GNA14: variants seen among roughly 807,000 people sequenced by gnomAD.
The protein encoded by GNA14 is G protein subunit alpha 14, also known as guanine nucleotide-binding protein subunit alpha-14.
In GNA14, 50 loss-of-function variants were observed where a neutral mutation model predicts 42.0. That is an observed-to-expected ratio of 1.19 (90% confidence interval 0.95 to 1.51). The LOEUF (loss-of-function observed/expected upper bound fraction) is 1.51, where lower values mean the gene tolerates loss of function less well. GNA14 is among the 40% of genes most tolerant of loss of function. GNA14 has a pLI of 0.00. For synonymous variants in GNA14, 173 were observed against 163.1 expected, an observed-to-expected ratio of 1.06 and a Z score of -0.46; for missense variants, 473 against 446.2, an observed-to-expected ratio of 1.06 and a Z score of -0.54.
intron 2 of GNA14, among the ~76,000 whole-genome samples, chr9:77,451,394 T>C (rs1197669467): frequency 6.6e-6 from 1 of 152,220 alleles, no homozygotes; most frequent in East Asian, 1.9e-4. Context: ...CTGTAGTCAC[T>C]CTTTTTAGAG....
intron 1 of GNA14, among the ~76,000 whole-genome samples, chr9:77,642,402 T>C (rs192595182): frequency 7.2e-5 from 11 of 152,294 alleles, no homozygotes; most frequent in African/African-American, 1.9e-4. Flanking sequence ...AAGCATATTA[T>C]GGCAAAAAAG....
At chr9:77,598,316 TTGAA>T (rs1334256145) in intron 1 of GNA14, among the ~76,000 whole-genome samples, 3 of 152,178 alleles carry the variant, frequency 2.0e-5, no homozygotes, top group African/African-American at 7.2e-5. Context: ...TATTTGTCAA[TTGAA>T]TGAACAAATA....
At chr9:77,442,431 T>C (rs1040105076) in intron 2 of GNA14, among the ~76,000 whole-genome samples, 9 of 152,194 alleles carry the variant, frequency 5.9e-5, no homozygotes, top group South Asian at 2.1e-4. Flanking sequence ...AGCCACCATA[T>C]AGGGGAAGAC....
chr9:77,459,023 G>A (rs1205579502), intron 2 of GNA14, among the ~76,000 whole-genome samples: 1 of 152,026 alleles, frequency 6.6e-6, no homozygotes, highest in African/African-American at 2.4e-5. Context: ...AAAAAAGTAA[G>A]GGACATGCGC....
intron 1 of GNA14, among the ~76,000 whole-genome samples, chr9:77,567,840 C>G (rs1299931612): frequency 3.3e-5 from 5 of 152,162 alleles, no homozygotes; most frequent in African/African-American, 4.8e-5. Flanking sequence ...GTACTCCAGC[C>G]TGGGTGACAG....
At chr9:77,431,588 A>G in intron 3 of GNA14, 139 bp from the exon 4 acceptor site, 1 of 698,756 alleles carries the variant, frequency 1.4e-6, no homozygotes, top group Non-Finnish European at 2.4e-6. Context: ...CCTGAGAGCC[A>G]GTGCCAGGCC....
At chr9:77,461,337 T>C (rs746338428) in intron 2 of GNA14, among the ~76,000 whole-genome samples, 1 of 152,208 alleles carries the variant, frequency 6.6e-6, no homozygotes, top group Non-Finnish European at 1.5e-5. Flanking sequence ...TCCCGGGTAG[T>C]TCATTTGCAT....
Position 77,592,415 on chromosome 9 carries a change from G to A in GNA14, c.124+55255C>T, listed in dbSNP as rs553505162. ...TTGCTTTTATTAGTTGTCAGAAATT[G>A]GCAGATTTCACTGAAAAGTAGATTT... is the stretch of plus-strand genomic sequence containing the variant. On this transcript the variant is annotated intron_variant, in intron 1 of 6. Coordinates refer to ENST00000341700, the MANE Select transcript of GNA14 (RefSeq NM_004297.4). Among the ~76,000 whole-genome samples, 277 of 152,268 alleles carry A rather than the reference G, an allele frequency of 1.8e-3. 4 individuals carry two copies. Among genetic ancestry groups the A allele is most frequent in the Non-Finnish European group, 2.8e-3 (191 of 68,014 alleles).
At position 77,469,387 on chromosome 9, in the gene GNA14, AAG is replaced by A. The variant is rs373554995; in HGVS notation, c.310-34867_310-34866del. 2.6e-3 allele frequency among the ~76,000 whole-genome samples: 369 copies of A among 140,650 alleles called. 2 individuals carry two copies. The highest frequency in any genetic ancestry group is 4.1e-3 in the Non-Finnish European group (265 of 64,660). The allele number at this position is 140,650 out of a possible 152,430, so 92.3% of individuals were successfully genotyped here. On this transcript the variant is annotated intron_variant, in intron 2 of 6. Transcript: ENST00000341700. ...TGTTAAAAAAAAAAAAAAAAAAAAA[AAG>A]AACTTTCCAGACAAATTAATGTAAG...
At chr9:77,635,687 G>A (rs1009400778) in intron 1 of GNA14, among the ~76,000 whole-genome samples, 1 of 152,166 alleles carries the variant, frequency 6.6e-6, no homozygotes, top group Non-Finnish European at 1.5e-5. Context: ...GGTGGCATTT[G>A]CTTTTCTGAA....
At chr9:77,463,328 C>G (rs149642674) in intron 2 of GNA14, among the ~76,000 whole-genome samples, 1 of 152,100 alleles carries the variant, frequency 6.6e-6, no homozygotes, top group Non-Finnish European at 1.5e-5. Flanking sequence ...TAATAATTCT[C>G]TACTCAAGAC....
intron 1 of GNA14, among the ~76,000 whole-genome samples, chr9:77,537,576 C>CT (rs930727553): frequency 6.6e-6 from 1 of 152,074 alleles, no homozygotes; most frequent in South Asian, 2.1e-4. Context: ...ATACAGATTT[C>CT]TTTTTTCTTT....
rs1409475654 is a variant in GNA14, at chr9:77,434,396, C to A, written c.436G>T (p.Glu146Ter). ...GIQECYDRRR[E>*]YQLSDSAKYY... ...TTGGCAGAGTCCGACAGCTGGTACT[C>A]CCTCCTCCTGTCGTAACACTCCTGG... Residue 146 changes from glutamate to a stop codon, truncating the protein, a stop_gained, in exon 3 of 7, where the codon GAG (glutamate) becomes TAG (stop). Transcript: ENST00000341700. LOFTEE classifies it high-confidence loss of function. 6.2e-7 allele frequency: 1 copy of A among 1,614,058 alleles called. No homozygotes were observed. Among genetic ancestry groups the A allele is most frequent in the African/African-American group, 1.3e-5 (1 of 75,058 alleles).
chr9:77,430,269 T>G (rs1464647597), intron 4 of GNA14, among the ~76,000 whole-genome samples: 1 of 152,168 alleles, frequency 6.6e-6, no homozygotes, highest in Non-Finnish European at 1.5e-5. Context: ...GTAATAGATT[T>G]CACTGGTGGA....
At chr9:77,645,705 C>A (rs553568873) in intron 1 of GNA14, among the ~76,000 whole-genome samples, 1 of 152,050 alleles carries the variant, frequency 6.6e-6, no homozygotes, top group Non-Finnish European at 1.5e-5. Context: ...TGGGTAAATG[C>A]GAGAATTTTA....
chr9:77,432,268 C>T (rs115673622), intron 3 of GNA14, among the ~76,000 whole-genome samples: 2 of 152,172 alleles, frequency 1.3e-5, no homozygotes, highest in African/African-American at 2.4e-5. Context: ...TGAGCAGGTC[C>T]GCATGCAGGC....
chr9:77,485,359 C>T (rs1836639543), intron 2 of GNA14, among the ~76,000 whole-genome samples: 1 of 152,130 alleles, frequency 6.6e-6, no homozygotes, highest in Non-Finnish European at 1.5e-5. Context: ...CTTCAGGCTC[C>T]ACTTCTAATT....
At chr9:77,525,018 A>G in intron 2 of GNA14, among the ~76,000 whole-genome samples, 1 of 152,178 alleles carries the variant, frequency 6.6e-6, no homozygotes, top group East Asian at 1.9e-4. Context: ...AAATCCACTC[A>G]TGGACTGTGG....
At chr9:77,612,946 G>A (rs964134879) in intron 1 of GNA14, among the ~76,000 whole-genome samples, 3 of 152,114 alleles carry the variant, frequency 2.0e-5, no homozygotes, top group African/African-American at 7.2e-5. Flanking sequence ...AGCATTATTC[G>A]TAATAGCCAA....
Sources: gnomAD v4.1 joint callset for allele counts (sites outside exome capture counted in the v4.1 genomes callset) on GRCh38, gnomAD v4.1.1 for gene constraint, MANE v1.5 for transcripts, NCBI Gene and HGNC (gene_info 2026-07-23, HGNC 2026-07-21) for gene names.